Variants in DBNDD1 observed in about 807,000 individuals in gnomAD.
DBNDD1 encodes the protein dysbindin domain-containing protein 1.
In DBNDD1, 14 loss-of-function variants were observed where a neutral mutation model predicts 17.0. That is an observed-to-expected ratio of 0.82 (90% confidence interval 0.54 to 1.29). DBNDD1 has a LOEUF of 1.29. Ranked by LOEUF, DBNDD1 falls within the 50% of genes most tolerant of loss-of-function variation. The pLI is 0.00. For synonymous variants in DBNDD1, 105 were observed against 102.0 expected, an observed-to-expected ratio of 1.03 and a Z score of -0.18; for missense variants, 221 against 216.2, an observed-to-expected ratio of 1.02 and a Z score of -0.14.
At position 90,014,450 on chromosome 16, in the gene DBNDD1, C is replaced by A. The variant is rs138973752; in HGVS notation, c.31+4861G>T. On this transcript the variant is annotated intron_variant, in intron 1 of 3. Coordinates refer to ENST00000002501, the MANE Select transcript of DBNDD1 (RefSeq NM_001042610.3). ...AATACCTGCATTTTTACGACGAGGCCAGCAAGGGCACAGTCCAGAGGGAGG... is the reference window on the plus strand; with the variant it reads ...AATACCTGCATTTTTACGACGAGGCAAGCAAGGGCACAGTCCAGAGGGAGG... Among the ~76,000 whole-genome samples, 1,245 of 152,164 alleles carry A rather than the reference C, an allele frequency of 8.2e-3. 18 individuals carry two copies. Among genetic ancestry groups the A allele is most frequent in the African/African-American group, 0.029 (1,198 of 41,512 alleles).
upstream of DBNDD1, chr16:90,019,656 C>T (rs560848350): frequency 6.1e-5 from 27 of 444,096 alleles, no homozygotes; most frequent in African/African-American, 4.1e-4. This position sits in a 1 kb window ranked among gnomAD's most constrained non-coding sequence, Gnocchi z 6.1. Flanking sequence ...CCGCGCCCCG[C>T]CGCGGACACC....
chr16:90,014,740 C>A (rs1016837291), intron 1 of DBNDD1, among the ~76,000 whole-genome samples: 3 of 152,116 alleles, frequency 2.0e-5, no homozygotes, highest in African/African-American at 4.8e-5. Context: ...CGCGGTGGCT[C>A]ACGCCTGTAA....
chr16:90,011,186 G>A (rs1482495458), intron 1 of DBNDD1, among the ~76,000 whole-genome samples: 3 of 152,246 alleles, frequency 2.0e-5, no homozygotes, highest in African/African-American at 4.8e-5. Flanking sequence ...GCTTGAAGCC[G>A]AGGGGAGCAG....
At chr16:90,009,149 G>C in intron 2 of DBNDD1, 135 bp downstream of exon 2, 1 of 1,364,850 alleles carries the variant, frequency 7.3e-7, no homozygotes, top group Non-Finnish European at 9.8e-7. Context: ...AACCAGAGCT[G>C]CAAGAGCCTA....
chr16:90,012,457 CCTCT>C lies in DBNDD1; in HGVS notation c.32-3031_32-3028del, dbSNP rs1332655626. ...TGTCCTGAGGGGCACCCCCTCCTCT[CCTCT>C]CTCTTTTTTTTTTTTGAGATGGAGT... is the stretch of plus-strand genomic sequence containing the variant. On this transcript the variant is annotated intron_variant, in intron 1 of 3. Transcript: ENST00000002501. Among the ~76,000 whole-genome samples the C allele has an allele frequency of 6.6e-5, 10 of 151,116 alleles. No homozygotes were observed. The South Asian group carries it at 1.2e-3, about 19-fold the overall frequency.
intron 1 of DBNDD1, among the ~76,000 whole-genome samples, chr16:90,010,442 A>G (rs544263798): frequency 2.9e-5 from 4 of 138,326 alleles, no homozygotes; most frequent in African/African-American, 1.1e-4. Flanking sequence ...ATCTCGGCTC[A>G]TTGCAGTCTC....
At position 90,017,045 on chromosome 16, in the gene DBNDD1, T is replaced by C. The variant is rs576216239; in HGVS notation, c.31+2266A>G. ...CCTGTGGACCCTTGGGCAGACTGAGTTGGGGTGGGTTACAGCCCTGGCTTC... is the reference window on the plus strand; with the variant it reads ...CCTGTGGACCCTTGGGCAGACTGAGCTGGGGTGGGTTACAGCCCTGGCTTC... On this transcript the variant is annotated intron_variant, in intron 1 of 3. Coordinates refer to ENST00000002501, the MANE Select transcript of DBNDD1 (RefSeq NM_001042610.3). 3.9e-5 allele frequency among the ~76,000 whole-genome samples: 6 copies of C among 152,150 alleles called. No homozygotes were observed. In the South Asian group the frequency reaches 6.2e-4, roughly 16 times the overall value.
intron 1 of DBNDD1, among the ~76,000 whole-genome samples, chr16:90,016,831 A>G (rs77603042): frequency 0.05 from 7,670 of 152,332 alleles, 276 homozygotes; most frequent in Non-Finnish European, 0.078. Flanking sequence ...GTATGGACGG[A>G]TGAGCTAATG....
intron 1 of DBNDD1, among the ~76,000 whole-genome samples, chr16:90,018,363 TC>T (rs1283767064): frequency 6.6e-6 from 1 of 152,220 alleles, no homozygotes; most frequent in East Asian, 1.9e-4. Flanking sequence ...GACCTGCTCC[TC>T]CCGGGGACAG....
At chr16:90,007,870 T>C (rs78136315) in intron 3 of DBNDD1, 1 of 150,376 alleles carries the variant, frequency 6.6e-6, no homozygotes, top group Non-Finnish European at 1.4e-5. Flanking sequence ...CTCCCAGGAC[T>C]TCCCAAGGGG....
Position 90,009,355 on chromosome 16 carries a change from G to C in DBNDD1, c.107C>G (p.Thr36Arg). The part of the protein sequence containing the change: ...PAQGTGDNGH[T>R]PVEEEVGGIP... ...GCCCCCGACCTCCTCCTCCACAGGC[G>C]TGTGGCCATTGTCCCCTGTCCCCTG... Residue 36 changes from threonine (T) to arginine (R), a missense_variant, in exon 2 of 4, where the codon ACG becomes AGG. By Grantham distance (71) the Thr-to-Arg change is moderately conservative. Transcript: ENST00000002501. 8 of 1,613,506 alleles carry C rather than the reference G, an allele frequency of 5.0e-6. No individual in the cohort carries two copies. The highest frequency in any genetic ancestry group is 6.8e-6 in the Non-Finnish European group (8 of 1,179,998).
intron 2 of DBNDD1, 178 bp from the exon 3 acceptor site, chr16:90,009,102 G>A (rs1162126506): frequency 3.3e-6 from 4 of 1,200,882 alleles, no homozygotes; most frequent in Non-Finnish European, 3.4e-6. Flanking sequence ...TGACTAGAAG[G>A]CTTTCACTTG....
rs1341450865 is a variant in DBNDD1, at chr16:90,006,340, C to A, written c.472G>T (p.Asp158Tyr). 1.9e-6 allele frequency: 3 copies of A among 1,606,858 alleles called. No homozygotes were observed. The African/African-American group carries it at 4.0e-5, about 21-fold the overall frequency. ...TFLTVERPQE[D>Y] ...CTGGGGCAGGTGGAGATGGTCTAGT[C>A]CTCCTGGGGCCTCTCCACAGTGAGA... is the stretch of plus-strand genomic sequence containing the variant. Residue 158 changes from aspartate to tyrosine, a missense_variant, in exon 4 of 4, where the codon GAC (aspartate) becomes TAC (tyrosine). Coordinates refer to ENST00000002501, the MANE Select transcript of DBNDD1 (RefSeq NM_001042610.3).
In DBNDD1 at chr16:90,006,412, G is replaced by C. The variant is rs1366337388; in HGVS notation, c.400C>G (p.Gln134Glu). 2 of 1,604,834 alleles carry C rather than the reference G, an allele frequency of 1.2e-6. No homozygotes were observed. The highest frequency in any genetic ancestry group is 1.7e-6 in the Non-Finnish European group (2 of 1,179,784). ...RTRAEQSHEK[Q>E]PLGDPERQAT... ...TGCCGCTCGGGGTCGCCTAGGGGCT[G>C]CTTCTCGTGGCTCTGCTCAGCCCTT... is the stretch of plus-strand genomic sequence containing the variant. Residue 134 changes from glutamine (Q) to glutamate (E), a missense_variant, in exon 4 of 4, where the codon CAG (glutamine) becomes GAG (glutamate). Transcript: ENST00000002501.
At chr16:90,010,608 C>T (rs2035537195) in intron 1 of DBNDD1, among the ~76,000 whole-genome samples, 2 of 149,458 alleles carry the variant, frequency 1.3e-5, no homozygotes, top group East Asian at 4.0e-4. Flanking sequence ...AGATTATAGG[C>T]ATGAGCCACC....
rs115324074 is a variant in DBNDD1, at chr16:90,012,466, T to C, written c.32-3036A>G. On this transcript the variant is annotated intron_variant, in intron 1 of 3. Coordinates refer to ENST00000002501, the MANE Select transcript of DBNDD1 (RefSeq NM_001042610.3). The stretch of plus-strand genomic sequence containing the variant: ...GGGCACCCCCTCCTCTCCTCTCTCT[T>C]TTTTTTTTTTGAGATGGAGTTTCGT... Among the ~76,000 whole-genome samples the C allele has an allele frequency of 6.6e-3, 902 of 137,652 alleles. 6 individuals are homozygous for C. Among genetic ancestry groups the C allele is most frequent in the African/African-American group, 0.028 (851 of 30,924 alleles). 90.3% of individuals were successfully genotyped at this position (137,652 alleles called of 152,430 possible).
chr16:90,018,380 C>T (rs2035683488), intron 1 of DBNDD1, among the ~76,000 whole-genome samples: 1 of 152,244 alleles, frequency 6.6e-6, no homozygotes, highest in Non-Finnish European at 1.5e-5. Flanking sequence ...GACAGCCCTT[C>T]GGGCTCCAGA....
At chr16:90,015,147 C>G (rs1314009690) in intron 1 of DBNDD1, among the ~76,000 whole-genome samples, 3 of 152,182 alleles carry the variant, frequency 2.0e-5, no homozygotes, top group African/African-American at 7.2e-5. Flanking sequence ...CCTTCCCCAT[C>G]TCCCTTTGGC....
rs1457738050 is a variant in DBNDD1, at chr16:90,006,368, C to T, written c.444G>A (p.Thr148=). The T allele has an allele frequency of 1.2e-5, 19 of 1,609,182 alleles. No individual in the cohort carries two copies. The highest frequency in any genetic ancestry group is 4.0e-5 in the African/African-American group (3 of 74,900). Residue 148 remains threonine, a synonymous_variant, in exon 4 of 4, where the codon ACG becomes ACA. Coordinates refer to ENST00000002501, the MANE Select transcript of DBNDD1 (RefSeq NM_001042610.3). ...CCTGGGGCCTCTCCACAGTGAGAAA[C>T]GTGTCCAGGACTGTGGCCTGCCGCT... ...DPERQATVLD[T]FLTVERPQED is the part of the protein sequence containing the mutation.
Sources: allele counts gnomAD v4.1 joint callset (sites outside exome capture counted in the v4.1 genomes callset), GRCh38; gene constraint gnomAD v4.1.1; non-coding constraint Gnocchi (gnomAD v3.1); transcripts MANE v1.5; gene names NCBI Gene and HGNC (gene_info 2026-07-23, HGNC 2026-07-21).